The following SRPK2 variants were observed in gnomAD, a reference collection of about 807,000 sequenced individuals.
SRPK2 encodes SRSF protein kinase 2, also known as SFRS protein kinase 2.
Under a neutral mutation model 90.8 loss-of-function variants are expected in SRPK2, and 21 were observed. The ratio of observed to expected loss-of-function variants is 0.23; its 90% CI spans 0.16 to 0.33. SRPK2 has a LOEUF of 0.33. Ranked by LOEUF, SRPK2 falls within the 10% of genes least tolerant of loss-of-function variation. The pLI is 1.00. For missense variants in SRPK2, 620 were observed against 869.0 expected (o/e 0.71, Z 3.60); for synonymous variants, 288 against 311.1 (o/e 0.93, Z 0.78).
At chr7:105,308,817 A>C (rs1811405272) in intron 2 of SRPK2, among the ~76,000 whole-genome samples, 1 of 152,206 alleles carries the variant, frequency 6.6e-6, no homozygotes, top group Admixed American at 6.5e-5. Context: ...AAGTACTTAG[A>C]TTACTTAAAA....
intron 3 of SRPK2, among the ~76,000 whole-genome samples, chr7:105,195,977 C>G (rs1794867406): frequency 6.6e-6 from 1 of 152,184 alleles, no homozygotes; most frequent in Admixed American, 6.5e-5. Context: ...TTCTCATTTA[C>G]CTCTATGTGC....
chr7:105,295,722 A>T (rs1809729745), intron 2 of SRPK2, among the ~76,000 whole-genome samples: 2 of 152,210 alleles, frequency 1.3e-5, no homozygotes. Flanking sequence ...AATGTACTTA[A>T]TGCAACTGAA....
In SRPK2 at chr7:105,308,938, T is replaced by G. The variant is rs1382453248; in HGVS notation, c.71+79710A>C. Among the ~76,000 whole-genome samples, 6 of 152,102 alleles carry G rather than the reference T, an allele frequency of 3.9e-5. No homozygotes were observed. The East Asian group carries it at 1.2e-3, about 29-fold the overall frequency. On this transcript the variant is annotated intron_variant, in intron 2 of 15. Transcript: ENST00000393651. ...CCTACCCCTCATACTTTCCTAATCC[T>G]CAACCCACACCACTGCAGAATCCTG...
intron 11 of SRPK2, among the ~76,000 whole-genome samples, chr7:105,140,094 C>G (rs979456512): frequency 2.0e-5 from 3 of 151,978 alleles, no homozygotes; most frequent in Non-Finnish European, 4.4e-5. Context: ...AGTTGTTATA[C>G]TGTATTGTTT....
chr7:105,124,895 G>A (rs929605595), intron 15 of SRPK2, among the ~76,000 whole-genome samples: 1 of 151,880 alleles, frequency 6.6e-6, no homozygotes, highest in African/African-American at 2.4e-5. Context: ...ACTTTGGAAG[G>A]CTAAGGCGGG....
chr7:105,292,472 A>C (rs1396362287), intron 2 of SRPK2, among the ~76,000 whole-genome samples: 1 of 125,962 alleles, frequency 7.9e-6, no homozygotes, highest in Non-Finnish European at 1.6e-5. Context: ...ACTACACTCC[A>C]GCCTGGGCGA....
intron 2 of SRPK2, among the ~76,000 whole-genome samples, chr7:105,225,923 C>A (rs920261332): frequency 6.6e-6 from 1 of 152,160 alleles, no homozygotes; most frequent in Non-Finnish European, 1.5e-5. Context: ...GTCTTACTAG[C>A]CACATTTCAA....
At chr7:105,169,056 A>G (rs372411071) in intron 4 of SRPK2, 101 bp downstream of exon 4, 5 of 991,998 alleles carry the variant, frequency 5.0e-6, no homozygotes, top group East Asian at 4.9e-5. Context: ...AGCACTTCAC[A>G]TACCTCAACA....
chr7:105,170,825 G>GAGAAAGGAAGAAAGAAAGAAAGAA (rs1487058476), intron 3 of SRPK2, among the ~76,000 whole-genome samples: 1 of 104,286 alleles, frequency 9.6e-6, no homozygotes, highest in African/African-American at 4.3e-5. Context: ...GGGAGAGAAA[G>GAGAAAGGAAGAAAGAAAGAAAGAA]AGAAAGAAAG....
At chr7:105,217,073 G>T (rs755746278) in intron 2 of SRPK2, among the ~76,000 whole-genome samples, 1 of 152,152 alleles carries the variant, frequency 6.6e-6, no homozygotes, top group Non-Finnish European at 1.5e-5. Flanking sequence ...GATACATTAC[G>T]CACGATACTG....
At chr7:105,259,751 T>G (rs1803928077) in intron 2 of SRPK2, among the ~76,000 whole-genome samples, 1 of 152,168 alleles carries the variant, frequency 6.6e-6, no homozygotes, top group Non-Finnish European at 1.5e-5. Context: ...AACCATCTAA[T>G]CTTTGACAAA....
At chr7:105,163,991 G>A (rs1808121575) in intron 6 of SRPK2, among the ~76,000 whole-genome samples, 1 of 152,178 alleles carries the variant, frequency 6.6e-6, no homozygotes, top group African/African-American at 2.4e-5. Flanking sequence ...CAAGAGCAGA[G>A]CTTTCAACGG....
intron 2 of SRPK2, among the ~76,000 whole-genome samples, chr7:105,383,243 T>A (rs983836418): frequency 2.0e-5 from 3 of 150,970 alleles, no homozygotes; most frequent in Non-Finnish European, 4.4e-5. Flanking sequence ...TTTTTGTATT[T>A]TTTTTTTTAG....
intron 2 of SRPK2, among the ~76,000 whole-genome samples, chr7:105,346,921 C>T (rs952780450): frequency 1.3e-5 from 2 of 150,950 alleles, no homozygotes; most frequent in African/African-American, 2.4e-5. Context: ...GCTTGGGTAT[C>T]GGTTTTCTGG....
intron 2 of SRPK2, among the ~76,000 whole-genome samples, chr7:105,386,995 G>T (rs1049005477): frequency 1.3e-5 from 2 of 152,090 alleles, no homozygotes; most frequent in Admixed American, 6.6e-5. Flanking sequence ...CCAAACTGCG[G>T]CCCACCAAAA....
chr7:105,233,408 A>G (rs1467951947), intron 2 of SRPK2, among the ~76,000 whole-genome samples: 1 of 152,226 alleles, frequency 6.6e-6, no homozygotes, highest in Non-Finnish European at 1.5e-5. Flanking sequence ...CCAGCAGACC[A>G]ACTAACAACT....
chr7:105,295,176 GC>G (rs1486711034), intron 2 of SRPK2, among the ~76,000 whole-genome samples: 2 of 150,004 alleles, frequency 1.3e-5, no homozygotes, highest in South Asian at 2.1e-4. Flanking sequence ...GCGCCACTGT[GC>G]CCCAGCCTGG....
intron 2 of SRPK2, among the ~76,000 whole-genome samples, chr7:105,329,267 T>C (rs564819204): frequency 6.6e-6 from 1 of 151,828 alleles, no homozygotes; most frequent in East Asian, 1.9e-4. Context: ...ATCTGAAAAA[T>C]GAAAGAAGAT....
At position 105,143,204 on chromosome 7, in the gene SRPK2, C is replaced by T. The variant is rs1804055906; in HGVS notation, c.940G>A (p.Glu314Lys). Residue 314 changes from glutamate (E) to lysine (K), a missense_variant, in exon 10 of 16, where the codon GAA becomes AAA. This residue lies in a region of SRPK2 where 243 missense variants were observed against 245.7 expected (regional missense o/e 0.99). Coordinates refer to ENST00000393651, the MANE Select transcript of SRPK2 (RefSeq NM_182692.3). The part of the protein sequence containing the change: ...LEREAERKII[E>K]ENITSAAPSN... ...GGTGCAGCTGAGGTGATGTTTTCTT[C>T]TATTATTTTCCTTTCAGCTTCTCGC... is the stretch of plus-strand genomic sequence containing the variant. 6.2e-7 allele frequency: 1 copy of T among 1,614,220 alleles called. No homozygotes were observed. The highest frequency in any genetic ancestry group is 2.2e-5 in the East Asian group (1 of 44,888).
Sources: gnomAD v4.1 joint callset for allele counts (sites outside exome capture counted in the v4.1 genomes callset) on GRCh38, gnomAD v4.1.1 for gene constraint, gnomAD v4.1.1 regional missense constraint, MANE v1.5 for transcripts, NCBI Gene and HGNC (gene_info 2026-07-23, HGNC 2026-07-21) for gene names.